Variants in GTPBP10 observed in about 807,000 individuals in gnomAD.
GTPBP10 encodes GTP binding protein 10, also known as GTP-binding protein 10.
GTPBP10 carries 38 observed loss-of-function variants against 44.8 expected under a neutral mutation model. That is an observed-to-expected ratio of 0.85 (90% CI 0.65 to 1.11). The LOEUF (loss-of-function observed/expected upper bound fraction) is 1.11. GTPBP10 is among the 50% of genes most tolerant of loss of function. The pLI is 0.00. For synonymous variants in GTPBP10, 152 were observed against 150.6 expected, an observed-to-expected ratio of 1.01 and a Z score of -0.07; for missense variants, 462 against 453.7, an observed-to-expected ratio of 1.02 and a Z score of -0.17.
intron 4 of GTPBP10, among the ~76,000 whole-genome samples, chr7:90,371,426 A>T (rs931271982): frequency 1.2e-4 from 19 of 152,362 alleles, no homozygotes; most frequent in Non-Finnish European, 2.1e-4. Context: ...CTTGAACATT[A>T]AGACTCTATA....
intron 4 of GTPBP10, 70 bp downstream of exon 4, chr7:90,355,300 A>T: frequency 9.6e-7 from 1 of 1,036,470 alleles, no homozygotes; most frequent in South Asian, 2.5e-5. Flanking sequence ...ATAAATGTAA[A>T]TGGTAATTTG....
intron 2 of GTPBP10, among the ~76,000 whole-genome samples, chr7:90,353,412 T>G (rs1387370770): frequency 6.6e-6 from 1 of 152,224 alleles, no homozygotes; most frequent in Non-Finnish European, 1.5e-5. Context: ...TCTAAGACTT[T>G]TCTGTGTGTT....
At chr7:90,368,908 G>A (rs909033731) in intron 4 of GTPBP10, among the ~76,000 whole-genome samples, 2 of 152,132 alleles carry the variant, frequency 1.3e-5, no homozygotes, top group African/African-American at 2.4e-5. Flanking sequence ...TTCTGCTCTG[G>A]TTTCTCCCCA....
At chr7:90,347,898 A>G (rs1477338444) in intron 1 of GTPBP10, among the ~76,000 whole-genome samples, 1 of 152,222 alleles carries the variant, frequency 6.6e-6, no homozygotes, top group Non-Finnish European at 1.5e-5. Context: ...AGTACAGAGC[A>G]AAGAGGAAGA....
chr7:90,361,237 T>G lies in GTPBP10; in HGVS notation c.464+6007T>G, dbSNP rs529187215. Among the ~76,000 whole-genome samples, 9 of 152,274 alleles carry G rather than the reference T, an allele frequency of 5.9e-5. No individual in the cohort carries two copies. The East Asian group carries it at 1.3e-3, about 23-fold the overall frequency. Reference sequence around the variant, plus strand: ...GGTTTTCAAAGGGAGTGCTTCCAGTTTTTGTCCATTCAGTAATGATATTGG... The same window carrying G: ...GGTTTTCAAAGGGAGTGCTTCCAGTGTTTGTCCATTCAGTAATGATATTGG... On this transcript the variant is annotated intron_variant, in intron 4 of 9. Coordinates refer to ENST00000222511, the MANE Select transcript of GTPBP10 (RefSeq NM_033107.4).
intron 4 of GTPBP10, among the ~76,000 whole-genome samples, chr7:90,369,267 G>A (rs1352614195): frequency 1.3e-5 from 2 of 152,198 alleles, no homozygotes; most frequent in East Asian, 1.9e-4. Flanking sequence ...ACCCACTTGA[G>A]GAGGCAGTCT....
chr7:90,369,278 G>T (rs1287833528), intron 4 of GTPBP10, among the ~76,000 whole-genome samples: 1 of 152,184 alleles, frequency 6.6e-6, no homozygotes, highest in Non-Finnish European at 1.5e-5. Context: ...GAGGCAGTCT[G>T]TCCCTTCTCA....
In GTPBP10 at chr7:90,385,014, T is replaced by A; in HGVS notation, c.1024T>A (p.Ser342Thr). The A allele has an allele frequency of 6.2e-7, 1 of 1,613,976 alleles. No individual in the cohort carries two copies. Among genetic ancestry groups the A allele is most frequent in the Non-Finnish European group, 8.5e-7 (1 of 1,179,946 alleles). The change falls in exon 10 of 10, where the codon TCA becomes ACA. Residue 342 changes from serine (S) to threonine (T), a missense_variant. Transcript: ENST00000222511. ...IEELKNCIRK[S>T]LDEQANQEND... ...AGAATTAAAGAATTGTATAAGAAAG[T>A]CACTGGATGAACAGGCCAACCAGGA...
intron 1 of GTPBP10, among the ~76,000 whole-genome samples, chr7:90,351,917 C>T (rs749053018): frequency 1.3e-5 from 2 of 152,100 alleles, no homozygotes; most frequent in East Asian, 1.9e-4. Flanking sequence ...AGGATGGTCT[C>T]GATCTCCTGA....
intron 4 of GTPBP10, among the ~76,000 whole-genome samples, chr7:90,355,704 T>TA (rs5885724): frequency 0.25 from 37,332 of 152,048 alleles, 4,887 homozygotes; most frequent in African/African-American, 0.34. Context: ...TCCTCAGACT[T>TA]ACGCACTGTT....
Position 90,375,906 on chromosome 7 carries a change from C to T in GTPBP10, c.591+1552C>T, listed in dbSNP as rs993367674. Among the ~76,000 whole-genome samples the T allele has an allele frequency of 7.2e-5, 11 of 151,988 alleles. No individual in the cohort carries two copies. In the South Asian group the frequency reaches 1.9e-3, roughly 26 times the overall value. ...ATTTGTAGCTTCTAAGAGTTCCCTA[C>T]GTGATTATGATGCACAGTGAGGTTT... On this transcript the variant is annotated intron_variant, in intron 6 of 9. Transcript: ENST00000222511.
chr7:90,377,389 TG>T, intron 6 of GTPBP10, 117 bp from the exon 7 acceptor site: 2 of 586,622 alleles, frequency 3.4e-6, no homozygotes, highest in Non-Finnish European at 6.0e-6. Context: ...AAAGATGTAG[TG>T]GTAATCATAA....
intron 4 of GTPBP10, among the ~76,000 whole-genome samples, chr7:90,370,175 T>C (rs1010150014): frequency 3.1e-4 from 47 of 152,100 alleles, no homozygotes; most frequent in Non-Finnish European, 6.0e-4. Context: ...AGTAGAAATA[T>C]CATTTCATCC....
At chr7:90,359,448 A>G (rs996011322) in intron 4 of GTPBP10, among the ~76,000 whole-genome samples, 2 of 152,182 alleles carry the variant, frequency 1.3e-5, no homozygotes, top group African/African-American at 4.8e-5. Context: ...AGCTTCATCC[A>G]TGTCCCTGCA....
chr7:90,385,074 T>C lies in GTPBP10; in HGVS notation c.1084T>C (p.Leu362=). 1 of 1,613,710 alleles carries C rather than the reference T, an allele frequency of 6.2e-7. No homozygotes were observed. The highest frequency in any genetic ancestry group is 8.5e-7 in the Non-Finnish European group (1 of 1,179,682). Residue 362 remains leucine, a synonymous_variant, in exon 10 of 10, where the codon TTG becomes CTG. Transcript: ENST00000222511. ...DALHKKQLLN[L]WISDTMSSTE... ...ACTTCATAAGAAACAGTTGCTTAAT[T>C]TGTGGATTTCTGATACAATGTCTTC...
At chr7:90,382,540 T>C (rs1198655327) in intron 8 of GTPBP10, among the ~76,000 whole-genome samples, 1 of 152,220 alleles carries the variant, frequency 6.6e-6, no homozygotes, top group East Asian at 1.9e-4. Context: ...TCTTCTGCCT[T>C]TTATCTATTA....
chr7:90,377,550 T>C lies in GTPBP10; in HGVS notation c.635T>C (p.Met212Thr). ...DLPGLIEGAHMNKGMGHKFLK... is the reference protein window; with the variant it reads ...DLPGLIEGAHTNKGMGHKFLK... ...CCGGGTTTAATAGAAGGAGCACATA[T>C]GAACAAAGGAATGGGCCACAAATTC... Residue 212 changes from methionine to threonine, a missense_variant, in exon 7 of 10, where the codon ATG (methionine) becomes ACG (threonine). Coordinates refer to ENST00000222511, the MANE Select transcript of GTPBP10 (RefSeq NM_033107.4). 6.2e-7 allele frequency: 1 copy of C among 1,611,540 alleles called. No homozygotes were observed. Among genetic ancestry groups the C allele is most frequent in the Non-Finnish European group, 8.5e-7 (1 of 1,178,636 alleles).
chr7:90,357,426 T>A (rs1795925306), intron 4 of GTPBP10, among the ~76,000 whole-genome samples: 1 of 152,152 alleles, frequency 6.6e-6, no homozygotes, highest in Non-Finnish European at 1.5e-5. Flanking sequence ...AACTATATGT[T>A]CCAGGAGAAA....
chr7:90,388,092 G>C lies in GTPBP10; in HGVS notation c.*2938G>C, dbSNP rs1052812719. The C allele has an allele frequency of 3.9e-5, 6 of 152,110 alleles. No homozygotes were observed. Among genetic ancestry groups the C allele is most frequent in the Non-Finnish European group, 7.4e-5 (5 of 68,018 alleles). 9.4% of individuals were successfully genotyped at this position (152,110 alleles called of 1,614,324 possible). On this transcript the variant is annotated 3_prime_UTR_variant, in exon 10 of 10. Coordinates refer to ENST00000222511, the MANE Select transcript of GTPBP10 (RefSeq NM_033107.4). ...AACATTTTATTATGTGACTCACTAA[G>C]ATGTTCAATTCATTAGTATTTTCTG...
Sources: gnomAD v4.1 joint callset for allele counts (sites outside exome capture counted in the v4.1 genomes callset) on GRCh38, gnomAD v4.1.1 for gene constraint, MANE v1.5 for transcripts, NCBI Gene and HGNC (gene_info 2026-07-23, HGNC 2026-07-21) for gene names.